The following GAL3ST2 variants were observed in gnomAD, a reference collection of about 807,000 sequenced individuals.
The protein encoded by GAL3ST2 is beta-galactose-3-O-sulfotransferase 2.
Under a neutral mutation model 12.9 loss-of-function variants are expected in GAL3ST2, and 16 were observed. That is an observed-to-expected ratio of 1.24 (90% CI 0.84 to 1.88). GAL3ST2 has a LOEUF of 1.88. Among genes scored for constraint, GAL3ST2 ranks in the 40% most tolerant of loss-of-function variants. The pLI is 0.00. For synonymous variants in GAL3ST2, 302 were observed against 273.9 expected, an observed-to-expected ratio of 1.10 and a Z score of -1.01; for missense variants, 639 against 571.8, an observed-to-expected ratio of 1.12 and a Z score of -1.20.
chr2:241,789,619 C>A (rs964044677), intron 1 of GAL3ST2, among the ~76,000 whole-genome samples: 1 of 152,170 alleles, frequency 6.6e-6, no homozygotes, highest in Non-Finnish European at 1.5e-5. Flanking sequence ...TGGTGGCTCA[C>A]GCCTATAATC....
At chr2:241,796,709 G>A (rs536740246) in intron 1 of GAL3ST2, among the ~76,000 whole-genome samples, 18 of 152,342 alleles carry the variant, frequency 1.2e-4, no homozygotes, top group African/African-American at 3.8e-4. Context: ...CAGGGCCATC[G>A]GCTGGGGTCG....
chr2:241,794,288 C>A (rs1699743410), intron 1 of GAL3ST2, among the ~76,000 whole-genome samples: 3 of 152,136 alleles, frequency 2.0e-5, no homozygotes, highest in Admixed American at 2.0e-4. Context: ...TTTGTGGGTT[C>A]TTACTGAGAA....
chr2:241,789,284 T>TTGTG (rs926225496), intron 1 of GAL3ST2, among the ~76,000 whole-genome samples: 2 of 152,104 alleles, frequency 1.3e-5, no homozygotes, highest in Admixed American at 6.6e-5. Context: ...TATAGAATCT[T>TTGTG]TGTGTGTGTG....
chr2:241,790,793 C>G (rs995694518), intron 1 of GAL3ST2, among the ~76,000 whole-genome samples: 5 of 152,214 alleles, frequency 3.3e-5, no homozygotes, highest in African/African-American at 9.6e-5. Flanking sequence ...CAATTAAGAG[C>G]CAGGCACCCT....
chr2:241,779,475 C>T (rs191266936), intron 1 of GAL3ST2, among the ~76,000 whole-genome samples: 6 of 150,752 alleles, frequency 4.0e-5, no homozygotes, highest in Admixed American at 2.0e-4. Flanking sequence ...CCTCGTGATC[C>T]GCCGGCCTTG....
chr2:241,783,634 C>T (rs576868767), intron 1 of GAL3ST2, among the ~76,000 whole-genome samples: 8 of 151,916 alleles, frequency 5.3e-5, no homozygotes, highest in South Asian at 2.1e-4. Flanking sequence ...TAAATTATGA[C>T]GTTTGTCTGC....
intron 1 of GAL3ST2, among the ~76,000 whole-genome samples, chr2:241,783,688 CATTT>C (rs58950963): frequency 0.018 from 2,724 of 152,256 alleles, 87 homozygotes; most frequent in African/African-American, 0.063. Context: ...TTATTTTAAT[CATTT>C]ACTTATTTAT....
chr2:241,787,834 C>T (rs929525424), intron 1 of GAL3ST2, among the ~76,000 whole-genome samples: 5 of 151,756 alleles, frequency 3.3e-5, no homozygotes, highest in African/African-American at 9.6e-5. Context: ...ATTTTGTTGT[C>T]GTTGTTTGTT....
rs531600074 is a variant in GAL3ST2 at position 241,801,409 on chromosome 2, G to A, written c.120-372G>A. ...TGGGTCTAAACCGCAAAGGGGAGGG[G>A]GTGTGACGAGGCGTCTACCTCCCAT... On this transcript the variant is annotated intron_variant, in intron 2 of 3. Coordinates refer to ENST00000192314, the MANE Select transcript of GAL3ST2 (RefSeq NM_022134.3). This position sits in a 1 kb window ranked among gnomAD's most constrained non-coding sequence, Gnocchi z 4.4. 2.8e-4 allele frequency: 91 copies of A among 325,474 alleles called. No homozygotes were observed. The highest frequency in any genetic ancestry group is 1.4e-3 in the African/African-American group (65 of 46,768). 20.2% of individuals were successfully genotyped at this position (325,474 alleles called of 1,614,324 possible).
intron 1 of GAL3ST2, among the ~76,000 whole-genome samples, chr2:241,798,539 C>T (rs1184655260): frequency 1.3e-5 from 2 of 152,156 alleles, no homozygotes; most frequent in Admixed American, 6.5e-5. Context: ...GGACTCCACC[C>T]GCCCTCAAAC....
intron 1 of GAL3ST2, among the ~76,000 whole-genome samples, chr2:241,785,409 C>G (rs568648400): frequency 6.6e-6 from 1 of 151,984 alleles, no homozygotes; most frequent in Admixed American, 6.6e-5. Context: ...AAAAATTAGC[C>G]AGGCGTGGTG....
At chr2:241,786,432 C>T (rs1043443501) in intron 1 of GAL3ST2, among the ~76,000 whole-genome samples, 15 of 152,100 alleles carry the variant, frequency 9.9e-5, no homozygotes, top group African/African-American at 1.2e-4. Context: ...AACCCCAATT[C>T]GGCTACTTAA....
chr2:241,801,641 C>A lies in GAL3ST2; in HGVS notation c.120-140C>A. Reference sequence around the variant, plus strand: ...GATTGGGGCCATGGGTCGGTGCCTACCCAGTTGGCCCCCTGGCCTAGAGTT... The same window carrying A: ...GATTGGGGCCATGGGTCGGTGCCTAACCAGTTGGCCCCCTGGCCTAGAGTT... On this transcript the variant is annotated intron_variant, in intron 2 of 3. Coordinates refer to ENST00000192314, the MANE Select transcript of GAL3ST2 (RefSeq NM_022134.3). This position sits in a 1 kb window ranked among gnomAD's most constrained non-coding sequence, Gnocchi z 4.4. 1 of 1,146,030 alleles carries A rather than the reference C, an allele frequency of 8.7e-7. No homozygotes were observed. Among genetic ancestry groups the A allele is most frequent in the Non-Finnish European group, 1.2e-6 (1 of 826,820 alleles). The allele number at this position is 1,146,030 out of a possible 1,614,324, so 71.0% of individuals were successfully genotyped here. A position where few individuals can be genotyped will look rare whatever the true frequency, so the allele number is the denominator to read the frequency against.
chr2:241,799,009 T>A, intron 1 of GAL3ST2, 56 bp from the exon 2 acceptor site: 6 of 1,377,772 alleles, frequency 4.4e-6, no homozygotes, highest in Non-Finnish European at 4.1e-6. Context: ...GGATGGGAGG[T>A]GGGGGTGGGG....
intron 1 of GAL3ST2, among the ~76,000 whole-genome samples, chr2:241,790,534 C>T (rs1346016454): frequency 6.6e-6 from 1 of 152,160 alleles, no homozygotes; most frequent in Non-Finnish European, 1.5e-5. Flanking sequence ...TCTAAGAGGT[C>T]TGGGGAGTCG....
At chr2:241,797,211 G>T (rs996538751) in intron 1 of GAL3ST2, among the ~76,000 whole-genome samples, 4 of 152,166 alleles carry the variant, frequency 2.6e-5, no homozygotes, top group Admixed American at 1.3e-4. Flanking sequence ...TACCCTCTTG[G>T]TTTTGTGTCT....
chr2:241,789,952 T>C lies in GAL3ST2; in HGVS notation c.30-9113T>C, dbSNP rs919910473. 4.6e-4 allele frequency among the ~76,000 whole-genome samples: 39 copies of C among 84,198 alleles called. 11 individuals are homozygous for C. Among genetic ancestry groups the C allele is most frequent in the African/African-American group, 2.7e-3 (34 of 12,452 alleles). 55.2% of individuals were successfully genotyped at this position (84,198 alleles called of 152,430 possible). A position where few individuals can be genotyped will look rare whatever the true frequency, so the allele number is the denominator to read the frequency against. On this transcript the variant is annotated intron_variant, in intron 1 of 3. Coordinates refer to ENST00000192314, the MANE Select transcript of GAL3ST2 (RefSeq NM_022134.3). ...CATAGGTAAATGAGAGACTGAGTTA[T>C]AACATATGTTATGGAAAACTCCTAT...
chr2:241,803,678 C>A lies in GAL3ST2; in HGVS notation c.709C>A (p.Leu237Met). The change falls in exon 4 of 4, where the codon CTG (leucine) becomes ATG (methionine). Residue 237 changes from leucine (L) to methionine (M), a missense_variant. By Grantham distance (15) the Leu-to-Met change is conservative. Transcript: ENST00000192314. ...GCACCTGGACGAGTCCCTGGTGCTG[C>A]TGCGGCGCCGGCTGCGCTGGGCGCT... The part of the protein sequence containing the change: ...AEHLDESLVL[L>M]RRRLRWALDD... 1 of 1,547,088 alleles carries A rather than the reference C, an allele frequency of 6.5e-7. No individual in the cohort carries two copies. The highest frequency in any genetic ancestry group is 1.2e-5 in the South Asian group (1 of 83,798).
At chr2:241,785,026 A>G (rs1250155797) in intron 1 of GAL3ST2, among the ~76,000 whole-genome samples, 1 of 152,256 alleles carries the variant, frequency 6.6e-6, no homozygotes, top group African/African-American at 2.4e-5. Flanking sequence ...CTATATTGTA[A>G]CTGGACCTGA....
Sources: gnomAD v4.1 joint callset for allele counts (sites outside exome capture counted in the v4.1 genomes callset) on GRCh38, gnomAD v4.1.1 for gene constraint, Gnocchi (gnomAD v3.1) non-coding constraint, MANE v1.5 for transcripts, NCBI Gene and HGNC (gene_info 2026-07-23, HGNC 2026-07-21) for gene names.